The following ZNF487 variants were observed in gnomAD, a reference collection of about 807,000 sequenced individuals.
The protein encoded by ZNF487 is KRAB domain only 1.
ZNF487 carries 4 observed loss-of-function variants against 3.0 expected under a neutral mutation model. The ratio of observed to expected loss-of-function variants is 1.35; its 90% confidence interval spans 0.66 to 3.08. The LOEUF (loss-of-function observed/expected upper bound fraction) is 3.08, where lower values mean the gene tolerates loss of function less well. ZNF487 is among the 30% of genes most tolerant of loss of function. The pLI, the probability that ZNF487 is intolerant of heterozygous loss-of-function variation, is 0.01. For missense variants in ZNF487, 146 were observed against 98.7 expected (o/e 1.48, Z -2.03); for synonymous variants, 55 against 34.6 (o/e 1.59, Z -2.06).
chr10:43,462,456 CATT>C (rs1404033241), intron 1 of ZNF487, among the ~76,000 whole-genome samples: 1 of 102,796 alleles, frequency 9.7e-6, no homozygotes, highest in Non-Finnish European at 2.0e-5. Context: ...CTGTAGACAA[CATT>C]TTTTTTTTTT....
chr10:43,493,613 C>G, the ZNF487 span, among the ~76,000 whole-genome samples: 12 of 148,196 alleles, frequency 8.1e-5, no homozygotes, highest in Non-Finnish European at 1.5e-5. Context: ...ATCACTTGAG[C>G]CTGGGAGGTC....
At chr10:43,522,547 A>G in the ZNF487 span, among the ~76,000 whole-genome samples, 3 of 152,114 alleles carry the variant, frequency 2.0e-5, no homozygotes, top group Non-Finnish European at 4.4e-5. Context: ...CAGCCTGGCA[A>G]AGATGGCGAA....
chr10:43,521,085 A>G, the ZNF487 span, among the ~76,000 whole-genome samples: 5 of 152,274 alleles, frequency 3.3e-5, no homozygotes, highest in Non-Finnish European at 5.9e-5. Context: ...ATAAAAAGAT[A>G]TGGTTGATTA....
the ZNF487 span, among the ~76,000 whole-genome samples, chr10:43,505,569 C>T: frequency 5.9e-5 from 9 of 152,184 alleles, no homozygotes; most frequent in Admixed American, 1.3e-4. Context: ...AGGTGTGAGC[C>T]ACCACGCCTG....
chr10:43,505,447 G>A, the ZNF487 span, among the ~76,000 whole-genome samples: 4 of 151,286 alleles, frequency 2.6e-5, no homozygotes, highest in Admixed American at 6.6e-5. Context: ...ACCATGCCCG[G>A]CTAATTTTTG....
chr10:43,477,348 C>T (rs959016633), intron 3 of ZNF487, among the ~76,000 whole-genome samples: 1 of 151,858 alleles, frequency 6.6e-6, no homozygotes, highest in Non-Finnish European at 1.5e-5. Flanking sequence ...GTGTGTATCA[C>T]CACGCCTGAC....
chr10:43,461,959 C>G (rs1340806330), intron 1 of ZNF487, among the ~76,000 whole-genome samples: 3 of 152,190 alleles, frequency 2.0e-5, no homozygotes, highest in East Asian at 1.9e-4. Context: ...TAACCCCATT[C>G]AGACCAAAAA....
chr10:43,485,597 ACT>A (rs1841464280), downstream of ZNF487, among the ~76,000 whole-genome samples: 1 of 152,172 alleles, frequency 6.6e-6, no homozygotes, highest in Non-Finnish European at 1.5e-5. Context: ...CTATGAGAAA[ACT>A]CAGTGAATAT....
At chr10:43,475,385 C>T (rs1290862663) in intron 1 of ZNF487, among the ~76,000 whole-genome samples, 3 of 151,814 alleles carry the variant, frequency 2.0e-5, no homozygotes, top group Non-Finnish European at 2.9e-5. Context: ...TGTGGTGGTG[C>T]GTGCCTGTTG....
the ZNF487 span, among the ~76,000 whole-genome samples, chr10:43,495,312 C>T: frequency 2.0e-5 from 3 of 151,092 alleles, no homozygotes; most frequent in African/African-American, 7.3e-5. Context: ...GGCATGATCT[C>T]GGCTCACTGC....
intron 1 of ZNF487, among the ~76,000 whole-genome samples, chr10:43,468,317 C>A (rs1403488034): frequency 1.3e-5 from 2 of 152,030 alleles, no homozygotes; most frequent in Non-Finnish European, 2.9e-5. Context: ...GGATTGAATC[C>A]AATTTTGAAA....
chr10:43,458,057 C>CAAAACA (rs1589033294), intron 1 of ZNF487: 2 of 151,140 alleles, frequency 1.3e-5, no homozygotes, highest in South Asian at 2.1e-4. Context: ...CAAAACAAAA[C>CAAAACA]AAAAAAAAAG....
chr10:43,489,793 C>G, the ZNF487 span, among the ~76,000 whole-genome samples: 1 of 151,922 alleles, frequency 6.6e-6, no homozygotes, highest in Admixed American at 6.6e-5. Context: ...GAGCAAAGTC[C>G]TGAAGGAAGA....
chr10:43,476,029 T>C, intron 2 of ZNF487, 78 bp from the exon 3 acceptor site: 1 of 696,828 alleles, frequency 1.4e-6, no homozygotes, highest in Non-Finnish European at 2.7e-6. Context: ...AATGCTCAAG[T>C]GGACCTATTT....
At chr10:43,467,555 G>A (rs1047424717) in intron 1 of ZNF487, among the ~76,000 whole-genome samples, 14 of 151,950 alleles carry the variant, frequency 9.2e-5, no homozygotes, top group Admixed American at 2.0e-4. Flanking sequence ...TGTGACTCAT[G>A]CCTGTAATCC....
downstream of ZNF487, among the ~76,000 whole-genome samples, chr10:43,484,536 G>A (rs1175545867): frequency 1.3e-5 from 2 of 152,102 alleles, no homozygotes; most frequent in African/African-American, 2.4e-5. Flanking sequence ...GAACCTGGGA[G>A]GTGGAGGTTG....
At chr10:43,474,586 T>C (rs963653240) in intron 1 of ZNF487, among the ~76,000 whole-genome samples, 15 of 152,064 alleles carry the variant, frequency 9.9e-5, no homozygotes, top group African/African-American at 3.1e-4. Flanking sequence ...AAAAATGATT[T>C]ATTATTTATT....
downstream of ZNF487, among the ~76,000 whole-genome samples, chr10:43,484,255 G>A (rs950769300): frequency 6.6e-6 from 1 of 152,150 alleles, no homozygotes; most frequent in Non-Finnish European, 1.5e-5. Flanking sequence ...AAGATAAAAT[G>A]TATGGAGCCT....
chr10:43,471,173 C>T (rs1840894782), intron 1 of ZNF487, among the ~76,000 whole-genome samples: 1 of 152,128 alleles, frequency 6.6e-6, no homozygotes, highest in African/African-American at 2.4e-5. Flanking sequence ...ACAGGGCTGT[C>T]CCATTTACTC....
Sources: gnomAD v4.1 joint callset for allele counts (sites outside exome capture counted in the v4.1 genomes callset) on GRCh38, gnomAD v4.1.1 for gene constraint, MANE v1.5 for transcripts, NCBI Gene and HGNC (gene_info 2026-07-23, HGNC 2026-07-21) for gene names.